The following WASF2 variants were observed in gnomAD, a reference collection of about 807,000 sequenced individuals.
The protein encoded by WASF2 is WASP family member 2, also known as actin-binding protein WASF2.
Under a neutral mutation model 45.0 loss-of-function variants are expected in WASF2, and 14 were observed. The ratio of observed to expected loss-of-function variants is 0.31; its 90% CI spans 0.21 to 0.49. The LOEUF is 0.49. Among genes scored for constraint, WASF2 ranks in the 20% least tolerant of loss-of-function variants. The probability of loss-of-function intolerance (pLI) is 0.99; values close to 1 mark genes in which losing one functional copy is unlikely to be tolerated. For missense variants in WASF2, 439 were observed against 636.1 expected (o/e 0.69, Z 3.33); for synonymous variants, 200 against 236.3 (o/e 0.85, Z 1.41).
Position 27,487,696 on chromosome 1 carries a change from AT to A in WASF2, c.-44+2289del, listed in dbSNP as rs1340573951. On this transcript the variant is annotated intron_variant, in intron 1 of 8. Coordinates refer to ENST00000618852, the MANE Select transcript of WASF2 (RefSeq NM_006990.5). The stretch of plus-strand genomic sequence containing the variant: ...ATATTTTATATAATATATAATATAT[AT>A]TTTATACAATATATAATGTATATCA... Among the ~76,000 whole-genome samples the A allele has an allele frequency of 7.0e-5, 8 of 114,132 alleles. No individual in the cohort carries two copies. In the East Asian group the frequency reaches 1.1e-3, roughly 15 times the overall value. The allele number at this position is 114,132 out of a possible 152,430, so 74.9% of individuals were successfully genotyped here.
chr1:27,416,252 C>A (rs1360165665), intron 4 of WASF2, 150 bp from the exon 5 acceptor site: 4 of 667,982 alleles, frequency 6.0e-6, no homozygotes, highest in Non-Finnish European at 1.1e-5. Context: ...CCCATACCAG[C>A]ATTTCAATGC....
intron 2 of WASF2, among the ~76,000 whole-genome samples, chr1:27,420,333 C>T (rs770371186): frequency 9.9e-5 from 15 of 152,114 alleles, no homozygotes; most frequent in Non-Finnish European, 1.8e-4. Context: ...TCTCTTTCCA[C>T]AATGTCTTGT....
intron 1 of WASF2, among the ~76,000 whole-genome samples, chr1:27,447,486 TA>T (rs2017326294): frequency 6.6e-6 from 1 of 152,220 alleles, no homozygotes; most frequent in Non-Finnish European, 1.5e-5. Flanking sequence ...TGGCTGTGAT[TA>T]ATTCCTTTGG....
intron 1 of WASF2, among the ~76,000 whole-genome samples, chr1:27,477,125 A>C (rs1437022320): frequency 6.6e-6 from 1 of 152,238 alleles, no homozygotes; most frequent in African/African-American, 2.4e-5. Flanking sequence ...TGTACCTAGA[A>C]TAGAATGTGT....
intron 1 of WASF2, among the ~76,000 whole-genome samples, chr1:27,444,071 G>A (rs1044263290): frequency 2.0e-5 from 3 of 152,114 alleles, no homozygotes; most frequent in Non-Finnish European, 2.9e-5. Context: ...GAGCCACCGC[G>A]CCTGGCCTTA....
At chr1:27,458,262 A>C (rs2017499380) in intron 1 of WASF2, among the ~76,000 whole-genome samples, 1 of 141,120 alleles carries the variant, frequency 7.1e-6, no homozygotes, top group African/African-American at 2.6e-5. Context: ...GCAATGAGCC[A>C]AGATCGCGTC....
intron 1 of WASF2, among the ~76,000 whole-genome samples, chr1:27,476,079 AAACT>A (rs2017761917): frequency 6.6e-6 from 1 of 152,232 alleles, no homozygotes; most frequent in African/African-American, 2.4e-5. Context: ...GTTGAATGTT[AAACT>A]AATAACCCAA....
At position 27,437,165 on chromosome 1, in the gene WASF2, G is replaced by A. The variant is rs147902560; in HGVS notation, c.-43-8232C>T. On this transcript the variant is annotated intron_variant, in intron 1 of 8. Coordinates refer to ENST00000618852, the MANE Select transcript of WASF2 (RefSeq NM_006990.5). ...CACTTAAGGGTCTAATCATAGTTTC[G>A]TTCTTAAAACTAAAATTGGGGGAAT... Among the ~76,000 whole-genome samples, 30 of 152,164 alleles carry A rather than the reference G, an allele frequency of 2.0e-4. No homozygotes were observed. The East Asian group carries it at 5.6e-3, about 28-fold the overall frequency.
chr1:27,461,695 C>G (rs1285836971), intron 1 of WASF2, among the ~76,000 whole-genome samples: 1 of 151,902 alleles, frequency 6.6e-6, no homozygotes, highest in African/African-American at 2.4e-5. Flanking sequence ...AGGATGGTCT[C>G]GATCTCCTGA....
At chr1:27,452,620 C>T (rs1024964000) in intron 1 of WASF2, among the ~76,000 whole-genome samples, 2 of 151,326 alleles carry the variant, frequency 1.3e-5, no homozygotes, top group Non-Finnish European at 2.9e-5. Flanking sequence ...AGTTCGAGAC[C>T]AGCCTGGCCA....
chr1:27,474,721 G>T (rs578107787), intron 1 of WASF2, among the ~76,000 whole-genome samples: 1 of 151,538 alleles, frequency 6.6e-6, no homozygotes, highest in Non-Finnish European at 1.5e-5. Context: ...GCAGTGAGCC[G>T]AGATCATGCC....
Position 27,463,986 on chromosome 1 carries a change from G to A in WASF2, c.-44+26000C>T, listed in dbSNP as rs141313046. 5.0e-3 allele frequency among the ~76,000 whole-genome samples: 755 copies of A among 151,534 alleles called. 6 individuals carry two copies. Among genetic ancestry groups the A allele is most frequent in the Admixed American group, 9.2e-3 (140 of 15,200 alleles). On this transcript the variant is annotated intron_variant, in intron 1 of 8. Coordinates refer to ENST00000618852, the MANE Select transcript of WASF2 (RefSeq NM_006990.5). ...GGGTTTCTCCATGTTGGTCAGGCTG[G>A]TCTGGAACTCCTGACCTCAGGTGAT...
chr1:27,408,130 G>A lies in WASF2; in HGVS notation c.*59C>T. 6.3e-7 allele frequency: 1 copy of A among 1,579,614 alleles called. No individual in the cohort carries two copies. The highest frequency in any genetic ancestry group is 1.2e-5 in the South Asian group (1 of 86,546). On this transcript the variant is annotated 3_prime_UTR_variant, in exon 9 of 9. Transcript: ENST00000618852. The stretch of plus-strand genomic sequence containing the variant: ...TCCCCCTACGGGTCTGTTGGGGTTG[G>A]CATCAAAGAAGGCAGGTAGGAAGGA...
intron 1 of WASF2, among the ~76,000 whole-genome samples, chr1:27,441,343 C>T (rs1030194231): frequency 6.7e-6 from 1 of 148,200 alleles, no homozygotes; most frequent in African/African-American, 2.5e-5. Flanking sequence ...AAATGAAAAA[C>T]GTGGCTGGGC....
At chr1:27,422,034 A>AG (rs988605669) in intron 2 of WASF2, among the ~76,000 whole-genome samples, 5 of 151,406 alleles carry the variant, frequency 3.3e-5, no homozygotes, top group Admixed American at 6.6e-5. Flanking sequence ...GCTATTCTGG[A>AG]GGGGGAAAAA....
At chr1:27,441,494 C>T (rs997464171) in intron 1 of WASF2, among the ~76,000 whole-genome samples, 4 of 152,000 alleles carry the variant, frequency 2.6e-5, no homozygotes, top group Admixed American at 1.3e-4. Context: ...TGGCTCACGC[C>T]TGTAATCCCA....
Position 27,405,224 on chromosome 1 carries a change from G to A in WASF2, c.*2965C>T, listed in dbSNP as rs1283025257. On this transcript the variant is annotated 3_prime_UTR_variant, in exon 9 of 9. Transcript: ENST00000618852. ...GGGCGCTCGGGCTTCCACTGGAGGCGAGCTGGAGCCTGGGCCAGCTGCTCT... is the reference window on the plus strand; with the variant it reads ...GGGCGCTCGGGCTTCCACTGGAGGCAAGCTGGAGCCTGGGCCAGCTGCTCT... 1 of 152,266 alleles carries A rather than the reference G, an allele frequency of 6.6e-6. No homozygotes were observed. The allele number at this position is 152,266 out of a possible 1,614,324, so 9.4% of individuals were successfully genotyped here.
intron 2 of WASF2, 74 bp downstream of exon 2, chr1:27,428,687 G>T: frequency 6.2e-7 from 1 of 1,608,158 alleles, no homozygotes; most frequent in South Asian, 1.1e-5. Flanking sequence ...ATAGGAACGC[G>T]GGAGGAGAAG....
intron 1 of WASF2, among the ~76,000 whole-genome samples, chr1:27,489,347 G>GTACACACA (rs1173743707): frequency 1.8e-4 from 6 of 33,970 alleles, no homozygotes; most frequent in African/African-American, 5.6e-4. Context: ...TTACTTCATG[G>GTACACACA]TACACACACA....
Sources: gnomAD v4.1 joint callset for allele counts (sites outside exome capture counted in the v4.1 genomes callset) on GRCh38, gnomAD v4.1.1 for gene constraint, MANE v1.5 for transcripts, NCBI Gene and HGNC (gene_info 2026-07-23, HGNC 2026-07-21) for gene names.